The following SYNE2 variants were observed in gnomAD, a reference collection of about 807,000 sequenced individuals.
SYNE2 encodes the protein spectrin repeat containing nuclear envelope protein 2.
A neutral mutation model predicts 856.3 loss-of-function variants in SYNE2; 431 were observed. The observed-to-expected ratio is 0.50, with a 90% CI of 0.47 to 0.55. The LOEUF (loss-of-function observed/expected upper bound fraction) is 0.55. SYNE2 is among the 20% of genes least tolerant of loss of function. The pLI, the probability that SYNE2 is intolerant of heterozygous loss-of-function variation, is 0.00. For missense variants in SYNE2, 8,129 were observed against 8,023.2 expected (o/e 1.01, Z -0.50); for synonymous variants, 2,923 against 2,872.3 (o/e 1.02, Z -0.56).
Position 64,056,218 on chromosome 14 carries a change from A to G in SYNE2, c.10019A>G (p.Asn3340Ser). The G allele has an allele frequency of 6.2e-7, 1 of 1,614,122 alleles. No individual in the cohort carries two copies. Among genetic ancestry groups the G allele is most frequent in the Non-Finnish European group, 8.5e-7 (1 of 1,179,986 alleles). The change falls in exon 49 of 116, where the codon AAC becomes AGC. Residue 3340 changes from asparagine to serine, a missense_variant. Coordinates refer to ENST00000555002, the MANE Select transcript of SYNE2 (RefSeq NM_182914.3). ...ACTTTACAGGAACTAGTTTCTAAGAACTCAGCAATGAAGGAAGCTTTCAAA... is the reference window on the plus strand; with the variant it reads ...ACTTTACAGGAACTAGTTTCTAAGAGCTCAGCAATGAAGGAAGCTTTCAAA... ...QYTLQELVSK[N>S]SAMKEAFKAQ...
At chr14:63,950,558 C>G (rs903340345) in intron 7 of SYNE2, among the ~76,000 whole-genome samples, 32 of 152,162 alleles carry the variant, frequency 2.1e-4, no homozygotes, top group African/African-American at 7.7e-4. Context: ...TCTTGTCACA[C>G]ACACACACAT....
chr14:64,052,185 C>A lies in SYNE2; in HGVS notation c.8272C>A (p.Pro2758Thr). The A allele has an allele frequency of 6.2e-7, 1 of 1,614,114 alleles. No individual in the cohort carries two copies. The highest frequency in any genetic ancestry group is 1.1e-5 in the South Asian group (1 of 91,076). ...GELNPSIPLL[P>T]DDILSQIRKC... ...ACTTAATCCCTCCATTCCCCTTCTC[C>A]CAGATGACATTCTTTCACAGATCAG... The change falls in exon 48 of 116, where the codon CCA becomes ACA. Residue 2758 changes from proline to threonine, a missense_variant. Physicochemically the swap from Pro to Thr is conservative, Grantham distance 38. Transcript: ENST00000555002.
intron 66 of SYNE2, among the ~76,000 whole-genome samples, chr14:64,116,403 C>G (rs2097854194): frequency 6.6e-6 from 1 of 152,116 alleles, no homozygotes; most frequent in Admixed American, 6.6e-5. Flanking sequence ...AGCTGTTCAT[C>G]TTCTTTGAGT....
At chr14:64,185,670 G>A (rs544259857) in intron 96 of SYNE2, among the ~76,000 whole-genome samples, 5 of 151,764 alleles carry the variant, frequency 3.3e-5, no homozygotes, top group Admixed American at 2.0e-4. Flanking sequence ...ACAGGCGCGC[G>A]CCACCGCACC....
At chr14:64,048,272 C>A in intron 46 of SYNE2, 117 bp downstream of exon 46, 3 of 915,056 alleles carry the variant, frequency 3.3e-6, no homozygotes, top group South Asian at 1.7e-5. Context: ...TTAACCTTTG[C>A]CTGATGATCA....
chr14:64,092,162 C>T (rs2097624778), intron 60 of SYNE2, among the ~76,000 whole-genome samples: 1 of 152,152 alleles, frequency 6.6e-6, no homozygotes, highest in African/African-American at 2.4e-5. Flanking sequence ...TTATTAGTCT[C>T]CTGGTCAGAA....
chr14:64,034,059 A>G (rs2097064835), intron 45 of SYNE2, among the ~76,000 whole-genome samples: 1 of 152,230 alleles, frequency 6.6e-6, no homozygotes, highest in South Asian at 2.1e-4. Context: ...TTAAAGTTGA[A>G]CAGCAACTAG....
intron 1 of SYNE2, among the ~76,000 whole-genome samples, chr14:63,788,412 A>C (rs1887616687): frequency 6.6e-6 from 1 of 152,152 alleles, no homozygotes; most frequent in South Asian, 2.1e-4. Context: ...CTGGGTCTGC[A>C]GCAGTGGGTC....
rs2096578814 is a variant in SYNE2, at chr14:63,980,658, T to G, written c.1574T>G (p.Phe525Cys). ...VELLLEDWHKFIEEKEFLARL... is the reference protein window; with the variant it reads ...VELLLEDWHKCIEEKEFLARL... ...TGTTTTTTGTTTTCTTCCCAGAAAT[T>G]TATTGAAGAAAAAGAATTCCTAGCT... The change falls in exon 15 of 116, where the codon TTT becomes TGT. Residue 525 changes from phenylalanine to cysteine, a missense_variant. Physicochemically the swap from Phe to Cys is radical, Grantham distance 205. This residue lies in a region of SYNE2 where 2,422 missense variants were observed against 2,357.4 expected (regional missense o/e 1.03). Transcript: ENST00000555002. The G allele has an allele frequency of 3.1e-6, 5 of 1,591,372 alleles. No homozygotes were observed. The highest frequency in any genetic ancestry group is 1.7e-4 in the Middle Eastern group (1 of 6,010).
rs11399582 is a variant in SYNE2 at position 63,985,329 on chromosome 14, C to CAAA, written c.2152-1110_2152-1108dup. On this transcript the variant is annotated intron_variant, in intron 18 of 115. Coordinates refer to ENST00000555002, the MANE Select transcript of SYNE2 (RefSeq NM_182914.3). ...TGGGTGACAGACCGAGGCTCCATCTCAAAAAAAAAAAAAAAAAAAGAGTGT... is the reference window on the plus strand; with the variant it reads ...TGGGTGACAGACCGAGGCTCCATCTCAAAAAAAAAAAAAAAAAAAAAAGAGTGT... Among the ~76,000 whole-genome samples, 40 of 82,288 alleles carry CAAA rather than the reference C, an allele frequency of 4.9e-4. 1 individual carries two copies. The highest frequency in any genetic ancestry group is 6.4e-3 in the Middle Eastern group (1 of 156). The allele number at this position is 82,288 out of a possible 152,430, so 54.0% of individuals were successfully genotyped here.
upstream of SYNE2, among the ~76,000 whole-genome samples, chr14:63,851,178 T>G (rs776614582): frequency 6.6e-6 from 1 of 152,108 alleles, no homozygotes; most frequent in Non-Finnish European, 1.5e-5. Flanking sequence ...CTGGCCAAGA[T>G]GGTGAAACCC....
At chr14:64,209,790 G>A in intron 102 of SYNE2, 152 bp from the exon 103 acceptor site, 1 of 1,183,936 alleles carries the variant, frequency 8.4e-7, no homozygotes, top group Non-Finnish European at 1.2e-6. Context: ...AGCCTGTTCT[G>A]TAGCTGGCAT....
At chr14:63,900,514 A>C (rs2095322799) in intron 1 of SYNE2, among the ~76,000 whole-genome samples, 1 of 152,122 alleles carries the variant, frequency 6.6e-6, no homozygotes. Context: ...AGAACAGTGC[A>C]GGAAAGACCC....
Position 63,880,020 on chromosome 14 carries a change from TTTTA to T in SYNE2, c.-52+26885_-52+26888del, listed in dbSNP as rs569690775. On this transcript the variant is annotated intron_variant, in intron 1 of 115. Coordinates refer to ENST00000555002, the MANE Select transcript of SYNE2 (RefSeq NM_182914.3). ...ATGAATGAGAACTTTATAAATTTTATTTTATTTATTTTCTTATTTCACTTGATAG... is the reference window on the plus strand; with the variant it reads ...ATGAATGAGAACTTTATAAATTTTATTTTATTTTCTTATTTCACTTGATAG... Among the ~76,000 whole-genome samples, 285 of 152,326 alleles carry T rather than the reference TTTTA, an allele frequency of 1.9e-3. 4 individuals are homozygous for T. The South Asian group carries it at 0.021, about 11-fold the overall frequency.
Position 64,073,992 on chromosome 14 carries a change from T to C in SYNE2, c.10722T>C (p.Asn3574=), listed in dbSNP as rs1452502164. The C allele has an allele frequency of 2.5e-6, 4 of 1,613,984 alleles. No individual in the cohort carries two copies. In the African/African-American group the frequency reaches 5.3e-5, roughly 22 times the overall value. Residue 3574 remains asparagine, a synonymous_variant, in exon 53 of 116, where the codon AAT becomes AAC. Coordinates refer to ENST00000555002, the MANE Select transcript of SYNE2 (RefSeq NM_182914.3). ...GGCTTCTTCAGAAAGTTCAGAAAAATAAAGAATTGGTGCAGACTGAAATCC... is the reference window on the plus strand; with the variant it reads ...GGCTTCTTCAGAAAGTTCAGAAAAACAAAGAATTGGTGCAGACTGAAATCC... The part of the protein sequence containing the change: ...CNKLLQKVQK[N]KELVQTEIQE...
intron 11 of SYNE2, among the ~76,000 whole-genome samples, chr14:63,975,533 C>T (rs948228102): frequency 6.6e-6 from 1 of 152,006 alleles, no homozygotes; most frequent in Admixed American, 6.6e-5. Flanking sequence ...GGGTTTTTCC[C>T]ATGTTGCCCA....
At chr14:64,023,328 C>T (rs1023702724) in intron 38 of SYNE2, 1 of 160,366 alleles carries the variant, frequency 6.2e-6, no homozygotes, top group African/African-American at 2.4e-5. Flanking sequence ...AATAACTTGG[C>T]CTTTTTCCAA....
In SYNE2 at chr14:64,225,381, CCCTGCAGCTGCTCCT is replaced by C; in HGVS notation, c.20585_20599del (p.Gln6862_Leu6866del). On this transcript the variant is annotated inframe_deletion, in exon 116 of 116. Coordinates refer to ENST00000555002, the MANE Select transcript of SYNE2 (RefSeq NM_182914.3). ...TCAAGGGTGGTCCGGGCAGCCCTAC[CCCTGCAGCTGCTCCT>C]CCTGCTGCTGCTGCTCCTGGCCTGC... The C allele has an allele frequency of 1.2e-6, 2 of 1,614,122 alleles. No individual in the cohort carries two copies. The highest frequency in any genetic ancestry group is 1.7e-6 in the Non-Finnish European group (2 of 1,179,996).
intron 78 of SYNE2, among the ~76,000 whole-genome samples, chr14:64,136,404 TA>T (rs2098089577): frequency 6.7e-6 from 1 of 149,682 alleles, no homozygotes; most frequent in African/African-American, 2.5e-5. Context: ...TTTTTTCTTT[TA>T]ATACAGATGC....
Sources: allele counts gnomAD v4.1 joint callset (sites outside exome capture counted in the v4.1 genomes callset), GRCh38; gene constraint gnomAD v4.1.1; regional missense constraint gnomAD v4.1.1; transcripts MANE v1.5; gene names NCBI Gene and HGNC (gene_info 2026-07-23, HGNC 2026-07-21).